ZDHHC14: variants seen among roughly 807,000 people sequenced by gnomAD.
ZDHHC14 encodes the protein zDHHC palmitoyltransferase 14.
A neutral mutation model predicts 47.7 loss-of-function variants in ZDHHC14; 16 were observed. That is an observed-to-expected ratio of 0.34 (90% CI 0.23 to 0.51). The LOEUF (loss-of-function observed/expected upper bound fraction) is 0.51. Among genes scored for constraint, ZDHHC14 ranks in the 20% least tolerant of loss-of-function variants. The probability of loss-of-function intolerance (pLI) is 0.97; values close to 1 mark genes in which losing one functional copy is unlikely to be tolerated. For missense variants in ZDHHC14, 515 were observed against 662.5 expected (o/e 0.78, Z 2.44); for synonymous variants, 293 against 278.9 (o/e 1.05, Z -0.50).
intron 1 of ZDHHC14, among the ~76,000 whole-genome samples, chr6:157,501,757 T>C (rs1157083523): frequency 1.3e-5 from 2 of 152,230 alleles, no homozygotes; most frequent in Non-Finnish European, 2.9e-5. Context: ...AGAGTATCAA[T>C]GGTTAGTTTT....
At chr6:157,559,405 T>C (rs62423164) in intron 2 of ZDHHC14, among the ~76,000 whole-genome samples, 35,658 of 152,140 alleles carry the variant, frequency 0.23, 4,685 homozygotes, top group Middle Eastern at 0.36. Context: ...AAAAATTCAC[T>C]CCAGAATCAG....
intron 1 of ZDHHC14, among the ~76,000 whole-genome samples, chr6:157,394,681 G>A (rs903739025): frequency 6.6e-6 from 1 of 152,216 alleles, no homozygotes; most frequent in African/African-American, 2.4e-5. Flanking sequence ...GATATGAGCA[G>A]TTCCTGCGGC....
chr6:157,656,344 C>CTTTTTT lies in ZDHHC14; in HGVS notation c.1068+2720_1068+2725dup, dbSNP rs139902125. Among the ~76,000 whole-genome samples the CTTTTTT allele has an allele frequency of 7.3e-5, 11 of 150,166 alleles. No homozygotes were observed. The East Asian group carries it at 7.9e-4, about 11-fold the overall frequency. The stretch of plus-strand genomic sequence containing the variant: ...TTCAGTGTAAGGCTACTTTTCTTTT[C>CTTTTTT]TTTTTTTTGAAACAGTGTCTCGCTC... On this transcript the variant is annotated intron_variant, in intron 8 of 8. Coordinates refer to ENST00000359775, the MANE Select transcript of ZDHHC14 (RefSeq NM_024630.3).
At chr6:157,585,284 T>C (rs139163005) in intron 2 of ZDHHC14, among the ~76,000 whole-genome samples, 3,468 of 152,242 alleles carry the variant, frequency 0.023, 148 homozygotes, top group African/African-American at 0.08. Flanking sequence ...CCCAAAATTC[T>C]AGTGTTTGAC....
chr6:157,478,980 G>A (rs143583625), intron 1 of ZDHHC14, among the ~76,000 whole-genome samples: 8,383 of 152,246 alleles, frequency 0.055, 796 homozygotes, highest in African/African-American at 0.19. Flanking sequence ...CCAACCCAGT[G>A]ACACCCAGGA....
At chr6:157,569,462 G>A (rs1261700501) in intron 2 of ZDHHC14, among the ~76,000 whole-genome samples, 2 of 151,984 alleles carry the variant, frequency 1.3e-5, no homozygotes, top group Non-Finnish European at 2.9e-5. Flanking sequence ...TTTGTCTATT[G>A]GGGATCTTCT....
chr6:157,607,239 G>T (rs1389045779), intron 3 of ZDHHC14, among the ~76,000 whole-genome samples: 1 of 152,122 alleles, frequency 6.6e-6, no homozygotes, highest in Non-Finnish European at 1.5e-5. Context: ...GTTCACTCTT[G>T]TTGAGGCTCT....
chr6:157,663,499 C>T (rs1267673540), intron 8 of ZDHHC14, among the ~76,000 whole-genome samples: 1 of 152,254 alleles, frequency 6.6e-6, no homozygotes, highest in Non-Finnish European at 1.5e-5. Flanking sequence ...CCAGCAGACT[C>T]TTCTCTGTCA....
intron 1 of ZDHHC14, among the ~76,000 whole-genome samples, chr6:157,383,199 C>CT (rs1443505037): frequency 3.9e-5 from 6 of 152,260 alleles, no homozygotes; most frequent in South Asian, 2.1e-4. Context: ...ATTTTGGTTG[C>CT]TTTTTTTGCA....
intron 2 of ZDHHC14, among the ~76,000 whole-genome samples, chr6:157,585,067 T>C (rs1783639844): frequency 6.6e-6 from 1 of 151,416 alleles, no homozygotes; most frequent in African/African-American, 2.4e-5. Context: ...ATTAGCTGGG[T>C]GTTGTGGCAG....
At chr6:157,672,592 TGA>T (rs1243258750) in intron 8 of ZDHHC14, 130 bp from the exon 9 acceptor site, 1 of 988,366 alleles carries the variant, frequency 1.0e-6, no homozygotes, top group Non-Finnish European at 1.5e-6. Context: ...CCTGGCTGAC[TGA>T]GGTGTCACTA....
chr6:157,435,232 T>C (rs1369165827), intron 1 of ZDHHC14, among the ~76,000 whole-genome samples: 5 of 152,170 alleles, frequency 3.3e-5, no homozygotes, highest in Non-Finnish European at 7.3e-5. Flanking sequence ...GATTTAACAC[T>C]CTGTTTGCTG....
chr6:157,505,789 A>C (rs1583720590), intron 1 of ZDHHC14, among the ~76,000 whole-genome samples: 1 of 152,348 alleles, frequency 6.6e-6, no homozygotes, highest in East Asian at 1.9e-4. Context: ...CTTTGTGTAG[A>C]AGTATAAGAG....
chr6:157,668,378 A>AT (rs978506280), intron 8 of ZDHHC14, among the ~76,000 whole-genome samples: 5 of 152,040 alleles, frequency 3.3e-5, no homozygotes, highest in African/African-American at 1.2e-4. Flanking sequence ...TTCTATATAG[A>AT]TTTTTTAAAT....
At position 157,580,867 on chromosome 6, in the gene ZDHHC14, C is replaced by T. The variant is rs550764168; in HGVS notation, c.407-12121C>T. On this transcript the variant is annotated intron_variant, in intron 2 of 8. Coordinates refer to ENST00000359775, the MANE Select transcript of ZDHHC14 (RefSeq NM_024630.3). ...TATCTTATTAATTTTTTCAAAGAAC[C>T]AACTCCTGGATTTGTTGATGTTTTA... Among the ~76,000 whole-genome samples the T allele has an allele frequency of 2.4e-4, 36 of 151,710 alleles. No homozygotes were observed. The South Asian group carries it at 3.6e-3, about 15-fold the overall frequency.
At chr6:157,431,712 A>G (rs1778341792) in intron 1 of ZDHHC14, among the ~76,000 whole-genome samples, 1 of 149,746 alleles carries the variant, frequency 6.7e-6, no homozygotes, top group African/African-American at 2.5e-5. Context: ...TTGGCTTTTT[A>G]TTTTTTAAAT....
At chr6:157,624,611 G>A (rs1391777828) in intron 3 of ZDHHC14, among the ~76,000 whole-genome samples, 1 of 152,210 alleles carries the variant, frequency 6.6e-6, no homozygotes, top group African/African-American at 2.4e-5. Context: ...AGGCAGTGTA[G>A]CATTTAATGG....
intron 1 of ZDHHC14, among the ~76,000 whole-genome samples, chr6:157,477,915 C>T (rs926437836): frequency 1.3e-5 from 2 of 152,126 alleles, no homozygotes; most frequent in Admixed American, 6.5e-5. Context: ...GTTGTATGAA[C>T]GACGTTAACT....
At position 157,582,602 on chromosome 6, in the gene ZDHHC14, T is replaced by C. The variant is rs1195882006; in HGVS notation, c.407-10386T>C. 6.6e-6 allele frequency among the ~76,000 whole-genome samples: 1 copy of C among 152,246 alleles called. No individual in the cohort carries two copies. Among genetic ancestry groups the C allele is most frequent in the Non-Finnish European group, 1.5e-5 (1 of 68,038 alleles). On this transcript the variant is annotated intron_variant, in intron 2 of 8. Transcript: ENST00000359775. The surrounding 1 kb of genome is among the most constrained non-coding windows in gnomAD (Gnocchi z 4.3). ...GGGCTTCTGCTGAAAGATCTGCTGT[T>C]AGCCTGATAGGGCTCCCTTTGTAAG...
Sources: allele counts gnomAD v4.1 joint callset (sites outside exome capture counted in the v4.1 genomes callset), GRCh38; gene constraint gnomAD v4.1.1; non-coding constraint Gnocchi (gnomAD v3.1); transcripts MANE v1.5; gene names NCBI Gene and HGNC (gene_info 2026-07-23, HGNC 2026-07-21).